Variants in PTPRD observed in about 807,000 individuals in gnomAD.
PTPRD encodes the protein receptor-type tyrosine-protein phosphatase delta.
A neutral mutation model predicts 214.5 loss-of-function variants in PTPRD; 34 were observed. The observed-to-expected ratio is 0.16, with a 90% CI of 0.12 to 0.21. The LOEUF (loss-of-function observed/expected upper bound fraction) is 0.21. Among genes scored for constraint, PTPRD ranks in the 10% least tolerant of loss-of-function variants. The pLI is 1.00. For missense variants in PTPRD, 2,545 were observed against 2,398.7 expected (o/e 1.06, Z -1.27); for synonymous variants, 1,128 against 845.7 (o/e 1.33, Z -5.79).
intron 2 of PTPRD, among the ~76,000 whole-genome samples, chr9:10,585,206 A>G (rs1440791811): frequency 6.6e-6 from 1 of 152,106 alleles, no homozygotes; most frequent in African/African-American, 2.4e-5. Context: ...AGTAATAATT[A>G]TTATTAATAC....
At chr9:10,566,260 T>C (rs895954774) in intron 2 of PTPRD, among the ~76,000 whole-genome samples, 1 of 152,054 alleles carries the variant, frequency 6.6e-6, no homozygotes, top group Non-Finnish European at 1.5e-5. Flanking sequence ...TTTTGGTGTC[T>C]ATTTAAAAGT....
intron 19 of PTPRD, among the ~76,000 whole-genome samples, chr9:8,521,907 G>A (rs570057295): frequency 2.0e-5 from 3 of 152,300 alleles, no homozygotes; most frequent in Non-Finnish European, 4.4e-5. Context: ...ATGCAGGCAT[G>A]TATATGCAGA....
At chr9:9,397,207 A>T (rs939231674) in intron 9 of PTPRD, among the ~76,000 whole-genome samples, 3 of 151,998 alleles carry the variant, frequency 2.0e-5, no homozygotes, top group African/African-American at 7.2e-5. Context: ...GAGATTGTTA[A>T]AGTTTGAGTA....
intron 9 of PTPRD, among the ~76,000 whole-genome samples, chr9:9,226,747 T>C (rs1167923455): frequency 6.6e-6 from 1 of 152,090 alleles, no homozygotes; most frequent in East Asian, 1.9e-4. Context: ...ATAAGCTGCA[T>C]GAAGGTAACC....
At chr9:8,647,973 C>T (rs2096730339) in intron 12 of PTPRD, among the ~76,000 whole-genome samples, 1 of 152,218 alleles carries the variant, frequency 6.6e-6, no homozygotes, top group African/African-American at 2.4e-5. Flanking sequence ...CATGGGACTT[C>T]CCTGCCAGTT....
intron 11 of PTPRD, among the ~76,000 whole-genome samples, chr9:8,916,117 A>G (rs78595312): frequency 0.03 from 4,556 of 152,248 alleles, 212 homozygotes; most frequent in African/African-American, 0.097. Context: ...GTGATGACTC[A>G]GTGACATCTA....
intron 7 of PTPRD, among the ~76,000 whole-genome samples, chr9:9,589,896 G>A (rs2092536312): frequency 6.6e-6 from 1 of 151,902 alleles, no homozygotes; most frequent in Non-Finnish European, 1.5e-5. Context: ...TGTGGGAGAA[G>A]ATGCTGGGTC....
intron 14 of PTPRD, among the ~76,000 whole-genome samples, chr9:8,581,559 T>C (rs1049327997): frequency 6.6e-6 from 1 of 151,750 alleles, no homozygotes; most frequent in Non-Finnish European, 1.5e-5. Context: ...CCATTCTGGC[T>C]AACACAGTGA....
intron 6 of PTPRD, among the ~76,000 whole-genome samples, chr9:9,747,515 A>T (rs1054077242): frequency 6.7e-6 from 1 of 149,470 alleles, no homozygotes; most frequent in African/African-American, 2.5e-5. Flanking sequence ...GCCTCAGATT[A>T]TACCTGGTGA....
intron 34 of PTPRD, among the ~76,000 whole-genome samples, chr9:8,448,660 C>A (rs189046224): frequency 1.9e-4 from 29 of 152,130 alleles, no homozygotes; most frequent in Non-Finnish European, 3.2e-4. Context: ...TATAGCCACA[C>A]TGAAAATGCT....
intron 5 of PTPRD, among the ~76,000 whole-genome samples, chr9:9,832,235 G>C (rs981411898): frequency 6.6e-6 from 1 of 151,910 alleles, no homozygotes; most frequent in Non-Finnish European, 1.5e-5. Context: ...GTAGATCTTG[G>C]AGTAGCAGAC....
intron 11 of PTPRD, among the ~76,000 whole-genome samples, chr9:8,748,907 T>C (rs573419960): frequency 6.6e-6 from 1 of 151,982 alleles, no homozygotes; most frequent in Non-Finnish European, 1.5e-5. Context: ...CAAAACTCCA[T>C]CATAAAAAAA....
At chr9:10,094,327 T>C (rs145014599) in intron 3 of PTPRD, among the ~76,000 whole-genome samples, 1 of 151,386 alleles carries the variant, frequency 6.6e-6, no homozygotes, top group African/African-American at 2.4e-5. Flanking sequence ...AGTCACTGGA[T>C]GTTGAATGAG....
chr9:8,689,770 T>C (rs949644574), intron 12 of PTPRD, among the ~76,000 whole-genome samples: 22 of 152,200 alleles, frequency 1.4e-4, no homozygotes, highest in African/African-American at 5.3e-4. Flanking sequence ...TATTACTGTT[T>C]TTCTACACTT....
chr9:9,895,166 T>A (rs905500366), intron 5 of PTPRD, among the ~76,000 whole-genome samples: 1 of 152,070 alleles, frequency 6.6e-6, no homozygotes, highest in African/African-American at 2.4e-5. Context: ...TACAAGTACT[T>A]GTTCCTGACT....
intron 10 of PTPRD, among the ~76,000 whole-genome samples, chr9:9,160,507 G>C (rs2099885957): frequency 6.6e-6 from 1 of 152,102 alleles, no homozygotes; most frequent in African/African-American, 2.4e-5. Context: ...TGTTAGAATG[G>C]CTTCTATGAA....
chr9:8,667,430 G>A (rs1324771689), intron 12 of PTPRD, among the ~76,000 whole-genome samples: 1 of 152,066 alleles, frequency 6.6e-6, no homozygotes, highest in East Asian at 1.9e-4. Flanking sequence ...CTCATGTACT[G>A]GTTAAGCTTC....
At chr9:9,559,537 G>A (rs942320618) in intron 8 of PTPRD, among the ~76,000 whole-genome samples, 1 of 152,208 alleles carries the variant, frequency 6.6e-6, no homozygotes, top group Non-Finnish European at 1.5e-5. Flanking sequence ...CTGCTTGGCT[G>A]TCTCAGCCTC....
intron 3 of PTPRD, among the ~76,000 whole-genome samples, chr9:10,236,754 G>A (rs925354319): frequency 6.6e-6 from 1 of 151,674 alleles, no homozygotes; most frequent in African/African-American, 2.4e-5. Flanking sequence ...TTTGAAATAA[G>A]CCTTCATGTT....
Sources: gnomAD v4.1 joint callset for allele counts (sites outside exome capture counted in the v4.1 genomes callset) on GRCh38, gnomAD v4.1.1 for gene constraint, MANE v1.5 for transcripts, NCBI Gene and HGNC (gene_info 2026-07-23, HGNC 2026-07-21) for gene names.